PTPRT: variants seen among roughly 807,000 people sequenced by gnomAD.
PTPRT encodes receptor-type tyrosine-protein phosphatase T.
A neutral mutation model predicts 176.8 loss-of-function variants in PTPRT; 56 were observed. The observed-to-expected ratio is 0.32, with a 90% CI of 0.26 to 0.40. The LOEUF (loss-of-function observed/expected upper bound fraction) is 0.40, where lower values mean the gene tolerates loss of function less well. PTPRT is among the 10% of genes least tolerant of loss of function. The pLI is 1.00. For synonymous variants in PTPRT, 783 were observed against 739.0 expected, an observed-to-expected ratio of 1.06 and a Z score of -0.96; for missense variants, 1,540 against 1,908.2, an observed-to-expected ratio of 0.81 and a Z score of 3.60.
At chr20:42,794,076 C>G (rs544675225) in intron 2 of PTPRT, among the ~76,000 whole-genome samples, 3 of 152,220 alleles carry the variant, frequency 2.0e-5, no homozygotes, top group Non-Finnish European at 4.4e-5. Context: ...GATCCCACTT[C>G]TTTCCATCCT....
At chr20:42,118,777 T>C (rs560465169) in intron 20 of PTPRT, among the ~76,000 whole-genome samples, 2 of 152,118 alleles carry the variant, frequency 1.3e-5, no homozygotes, top group South Asian at 2.1e-4. Flanking sequence ...TCTGTCCTCC[T>C]CCTGCTCAGA....
At chr20:42,345,205 A>G (rs2058169989) in intron 11 of PTPRT, among the ~76,000 whole-genome samples, 1 of 152,010 alleles carries the variant, frequency 6.6e-6, no homozygotes, top group Admixed American at 6.5e-5. Flanking sequence ...AATTTTAAAC[A>G]TCAGTTTCCT....
chr20:42,536,093 A>G (rs1297189740), intron 7 of PTPRT, among the ~76,000 whole-genome samples: 8 of 152,234 alleles, frequency 5.3e-5, no homozygotes, highest in Admixed American at 5.2e-4. Context: ...CGAATGCTGC[A>G]CCAAGCAGAA....
chr20:42,356,690 C>G (rs997159556), intron 9 of PTPRT, among the ~76,000 whole-genome samples: 1 of 152,060 alleles, frequency 6.6e-6, no homozygotes, highest in African/African-American at 2.4e-5. Context: ...GAGTGAAACT[C>G]CCTCTCAACA....
intron 5 of PTPRT, among the ~76,000 whole-genome samples, chr20:42,769,419 G>T (rs143018154): frequency 8.5e-5 from 13 of 152,086 alleles, no homozygotes; most frequent in Non-Finnish European, 1.5e-4. Flanking sequence ...AAACTATAAC[G>T]TGCTCCCATT....
Position 42,248,475 on chromosome 20 carries a change from T to A in PTPRT, c.2312+212A>T, listed in dbSNP as rs546821591. On this transcript the variant is annotated intron_variant, in intron 14 of 30. Coordinates refer to ENST00000373187, the MANE Select transcript of PTPRT (RefSeq NM_007050.6). ...TAGGGATCACTGGCCCATAAGAAAA[T>A]GGCCACCTCAGGACCACCTGCCAAA... is the stretch of plus-strand genomic sequence containing the variant. Among the ~76,000 whole-genome samples, 7 of 152,146 alleles carry A rather than the reference T, an allele frequency of 4.6e-5. No homozygotes were observed. The East Asian group carries it at 1.4e-3, about 29-fold the overall frequency.
intron 15 of PTPRT, among the ~76,000 whole-genome samples, chr20:42,205,982 T>C (rs12625238): frequency 0.32 from 47,916 of 151,916 alleles, 8,567 homozygotes; most frequent in East Asian, 0.38. Flanking sequence ...GACAAGACAC[T>C]GAGGCCTGGA....
chr20:42,914,799 C>T (rs189308672), intron 1 of PTPRT, among the ~76,000 whole-genome samples: 38 of 151,784 alleles, frequency 2.5e-4, no homozygotes, highest in African/African-American at 7.3e-4. Context: ...CAAAATTGGC[C>T]ATGAGGTGTT....
chr20:42,489,631 A>T (rs1264978231), intron 7 of PTPRT, among the ~76,000 whole-genome samples: 2 of 152,114 alleles, frequency 1.3e-5, no homozygotes, highest in Non-Finnish European at 2.9e-5. Context: ...AAATTTAGAT[A>T]AATGGTGTTG....
intron 1 of PTPRT, among the ~76,000 whole-genome samples, chr20:43,173,749 G>A (rs567635130): frequency 2.0e-4 from 30 of 152,324 alleles, no homozygotes; most frequent in African/African-American, 7.2e-4. Flanking sequence ...GGACAGGTGA[G>A]GGTCCTTCCC....
At chr20:42,926,053 G>A (rs1979462862) in intron 1 of PTPRT, among the ~76,000 whole-genome samples, 1 of 152,234 alleles carries the variant, frequency 6.6e-6, no homozygotes, top group Admixed American at 6.5e-5. Flanking sequence ...TCCCCTCTCA[G>A]GGGGTGTAGG....
intron 1 of PTPRT, among the ~76,000 whole-genome samples, chr20:43,135,643 CTGTT>C (rs142206073): frequency 0.011 from 1,716 of 152,326 alleles, 38 homozygotes; most frequent in African/African-American, 0.039. Flanking sequence ...AAGAAACACA[CTGTT>C]GGTTGGGAAA....
At position 42,756,443 on chromosome 20, in the gene PTPRT, G is replaced by A. The variant is rs367647822; in HGVS notation, c.859+19C>T. ...GCCAACCTTCCATGGCAGTAGAGGC[G>A]CAGGCTGGAGGCACTCACCTTTCAC... is the stretch of plus-strand genomic sequence containing the variant. On this transcript the variant is annotated intron_variant, in intron 6 of 30. Coordinates refer to ENST00000373187, the MANE Select transcript of PTPRT (RefSeq NM_007050.6). The A allele has an allele frequency of 4.9e-5, 74 of 1,512,192 alleles. No individual in the cohort carries two copies. The highest frequency in any genetic ancestry group is 9.2e-5 in the South Asian group (7 of 75,872). 93.7% of individuals were successfully genotyped at this position (1,512,192 alleles called of 1,614,324 possible). A position where few individuals can be genotyped will look rare whatever the true frequency, so the allele number is the denominator to read the frequency against.
intron 1 of PTPRT, among the ~76,000 whole-genome samples, chr20:43,111,585 G>A (rs1367785060): frequency 6.7e-6 from 1 of 150,332 alleles, no homozygotes; most frequent in Non-Finnish European, 1.5e-5. Flanking sequence ...GTTACATAAT[G>A]GGACTTGTAT....
the PTPRT span, among the ~76,000 whole-genome samples, chr20:42,066,037 CTTTT>C: frequency 8.1e-6 from 1 of 124,212 alleles, no homozygotes; most frequent in Non-Finnish European, 1.6e-5. Context: ...TAGTATATTA[CTTTT>C]TTTTTTTTTT....
chr20:42,197,978 C>G (rs777552550), intron 16 of PTPRT, among the ~76,000 whole-genome samples: 6 of 152,194 alleles, frequency 3.9e-5, no homozygotes, highest in Non-Finnish European at 8.8e-5. Context: ...TGAGAACTCT[C>G]TGAATGACTT....
chr20:42,230,011 C>G (rs1325437791), intron 15 of PTPRT, among the ~76,000 whole-genome samples: 1 of 152,152 alleles, frequency 6.6e-6, no homozygotes, highest in Non-Finnish European at 1.5e-5. Context: ...CCCTAATGAG[C>G]AAGCAACATC....
At chr20:42,159,775 C>T (rs1281582902) in intron 17 of PTPRT, among the ~76,000 whole-genome samples, 1 of 152,082 alleles carries the variant, frequency 6.6e-6, no homozygotes. Flanking sequence ...CAAACATGCC[C>T]CTTGTCACCA....
chr20:42,471,628 T>C (rs911934815), intron 8 of PTPRT, among the ~76,000 whole-genome samples: 2 of 152,102 alleles, frequency 1.3e-5, no homozygotes, highest in African/African-American at 4.8e-5. Context: ...CTTTATAAAT[T>C]ACCCAGTCTC....
Sources: gnomAD v4.1 joint callset for allele counts (sites outside exome capture counted in the v4.1 genomes callset) on GRCh38, gnomAD v4.1.1 for gene constraint, MANE v1.5 for transcripts, NCBI Gene and HGNC (gene_info 2026-07-23, HGNC 2026-07-21) for gene names.